Variants in EMB observed in about 807,000 individuals in gnomAD.
The protein encoded by EMB is embigin homolog.
A neutral mutation model predicts 41.4 loss-of-function variants in EMB; 31 were observed. The observed-to-expected ratio is 0.75, with a 90% CI of 0.56 to 1.01. The LOEUF (loss-of-function observed/expected upper bound fraction) is 1.01, where lower values mean the gene tolerates loss of function less well. Ranked by LOEUF, EMB falls within the 50% of genes least tolerant of loss-of-function variation. The pLI, the probability that EMB is intolerant of heterozygous loss-of-function variation, is 0.00. For missense variants in EMB, 379 were observed against 388.3 expected (o/e 0.98, Z 0.20); for synonymous variants, 137 against 140.4 (o/e 0.98, Z 0.17).
intron 2 of EMB, among the ~76,000 whole-genome samples, chr5:50,412,656 T>G (rs1314378467): frequency 3.7e-5 from 5 of 133,750 alleles, no homozygotes; most frequent in Non-Finnish European, 8.4e-5. Context: ...GCTACATGTT[T>G]TGGTAACTTT....
chr5:50,403,169 A>G lies in EMB; in HGVS notation c.877+9T>C. The G allele has an allele frequency of 6.4e-7, 1 of 1,565,668 alleles. No homozygotes were observed. Among genetic ancestry groups the G allele is most frequent in the Non-Finnish European group, 8.6e-7 (1 of 1,162,990 alleles). ...AAAAAAAACAAAAAACAAAAAAAAGAAATCCCACCTGAGTGCTTCTTTTTC... is the reference window on the plus strand; with the variant it reads ...AAAAAAAACAAAAAACAAAAAAAAGGAATCCCACCTGAGTGCTTCTTTTTC... On this transcript the variant is annotated intron_variant, in intron 6 of 8. Transcript: ENST00000303221.
chr5:50,439,364 C>CTT (rs921570043), intron 1 of EMB, among the ~76,000 whole-genome samples: 3 of 151,856 alleles, frequency 2.0e-5, no homozygotes, highest in Non-Finnish European at 2.9e-5. Flanking sequence ...CAGGCTGGAG[C>CTT]TTAGTGGCAC....
intron 4 of EMB, among the ~76,000 whole-genome samples, chr5:50,407,147 T>C (rs1016417229): frequency 3.3e-5 from 5 of 152,014 alleles, no homozygotes; most frequent in Non-Finnish European, 7.4e-5. Context: ...TTTCTCAATC[T>C]CTACATGTTT....
At chr5:50,400,481 A>C (rs530998003) in intron 7 of EMB, among the ~76,000 whole-genome samples, 1 of 152,100 alleles carries the variant, frequency 6.6e-6, no homozygotes, top group South Asian at 2.1e-4. Context: ...AGACAGTGTT[A>C]CTTACAATTA....
At chr5:50,437,307 A>G (rs1036429143) in intron 1 of EMB, among the ~76,000 whole-genome samples, 9 of 152,138 alleles carry the variant, frequency 5.9e-5, no homozygotes, top group African/African-American at 2.2e-4. Context: ...TAAATAAATA[A>G]AAGTAGGCTT....
chr5:50,434,551 C>T (rs536452955), intron 1 of EMB, among the ~76,000 whole-genome samples: 6 of 152,176 alleles, frequency 3.9e-5, no homozygotes, highest in African/African-American at 1.4e-4. Context: ...TATCTCATTG[C>T]TTTTGGCTAA....
chr5:50,402,192 C>A lies in EMB; in HGVS notation c.911+94G>T, dbSNP rs1579719601. ...GACATATACAGAAAATACTCCTCTGCCTTTTCTCCCCCTAACTGCAAACAT... is the reference window on the plus strand; with the variant it reads ...GACATATACAGAAAATACTCCTCTGACTTTTCTCCCCCTAACTGCAAACAT... On this transcript the variant is annotated intron_variant, in intron 7 of 8. Transcript: ENST00000303221. 15 of 1,325,656 alleles carry A rather than the reference C, an allele frequency of 1.1e-5. No homozygotes were observed. In the East Asian group the frequency reaches 3.1e-4, roughly 27 times the overall value. 82.1% of individuals were successfully genotyped at this position (1,325,656 alleles called of 1,614,324 possible).
intron 1 of EMB, among the ~76,000 whole-genome samples, chr5:50,430,986 G>A (rs1745712031): frequency 6.6e-6 from 1 of 152,190 alleles, no homozygotes; most frequent in Non-Finnish European, 1.5e-5. Context: ...GTTTCCAGAG[G>A]TAGGGAAGTC....
At chr5:50,406,852 T>C (rs1428719928) in intron 4 of EMB, among the ~76,000 whole-genome samples, 1 of 151,986 alleles carries the variant, frequency 6.6e-6, no homozygotes, top group Non-Finnish European at 1.5e-5. Flanking sequence ...TCATGTCAAC[T>C]AAAGACCTGC....
At chr5:50,402,452 T>C (rs1745179560) in intron 6 of EMB, 133 bp from the exon 7 acceptor site, 7 of 802,000 alleles carry the variant, frequency 8.7e-6, no homozygotes, top group Admixed American at 2.2e-5. Flanking sequence ...AGGAGAGACA[T>C]GCTACCTTAA....
intron 8 of EMB, 135 bp downstream of exon 8, chr5:50,399,724 T>C (rs1745129066): frequency 2.9e-6 from 2 of 688,266 alleles, no homozygotes; most frequent in African/African-American, 1.8e-5. Context: ...CCTATAATAG[T>C]GTTAACAAGC....
upstream of EMB, chr5:50,441,318 C>G: frequency 2.5e-6 from 1 of 399,436 alleles, no homozygotes; most frequent in East Asian, 3.7e-5. Context: ...GCCGCCTTGC[C>G]CCACTCCCCC....
chr5:50,430,619 A>G (rs1745705143), intron 1 of EMB, among the ~76,000 whole-genome samples: 1 of 152,180 alleles, frequency 6.6e-6, no homozygotes, highest in African/African-American at 2.4e-5. Flanking sequence ...GAGAGTCATT[A>G]AAATTTCGAG....
intron 1 of EMB, among the ~76,000 whole-genome samples, chr5:50,432,859 A>G (rs1289168908): frequency 1.3e-5 from 2 of 151,546 alleles, no homozygotes; most frequent in Admixed American, 6.6e-5. Flanking sequence ...CAGGCAGATC[A>G]TGAGGTCAGG....
intron 1 of EMB, among the ~76,000 whole-genome samples, chr5:50,434,070 T>C (rs963620288): frequency 2.0e-5 from 3 of 152,238 alleles, no homozygotes; most frequent in African/African-American, 4.8e-5. Flanking sequence ...GACCTTATTT[T>C]AGTTCATTAC....
In EMB at chr5:50,441,236, G is replaced by T; in HGVS notation, c.-85C>A. On this transcript the variant is annotated 5_prime_UTR_variant, in exon 1 of 9. Coordinates refer to ENST00000303221, the MANE Select transcript of EMB (RefSeq NM_198449.3). ...GTGTCCAGAGTCCCTGCGCACACTCGCAGGTGGCCCGGCGCTCGCAGCCAG... is the reference window on the plus strand; with the variant it reads ...GTGTCCAGAGTCCCTGCGCACACTCTCAGGTGGCCCGGCGCTCGCAGCCAG... 1.2e-6 allele frequency: 1 copy of T among 803,516 alleles called. No individual in the cohort carries two copies. The highest frequency in any genetic ancestry group is 1.7e-6 in the Non-Finnish European group (1 of 589,600). The allele number at this position is 803,516 out of a possible 1,614,324, so 49.8% of individuals were successfully genotyped here. A position where few individuals can be genotyped will look rare whatever the true frequency, so the allele number is the denominator to read the frequency against.
At chr5:50,410,552 C>T (rs1328448145) in intron 4 of EMB, among the ~76,000 whole-genome samples, 3 of 152,134 alleles carry the variant, frequency 2.0e-5, no homozygotes, top group East Asian at 1.9e-4. Context: ...AACTTAGAAA[C>T]GTGGAGGACT....
rs753725520 is a variant in EMB, at chr5:50,403,197, T to C, written c.858A>G (p.Gln286=). ...TCCCACCTGAGTGCTTCTTTTTCTTTTGTGTGTACTTTTCACAAAGCAGAA... is the reference window on the plus strand; with the variant it reads ...TCCCACCTGAGTGCTTCTTTTTCTTCTGTGTGTACTTTTCACAAAGCAGAA... ...ATILLCEKYT[Q]KKKKHSDEGK... Residue 286 remains glutamine (Q), a synonymous_variant, in exon 6 of 9, where the codon CAA becomes CAG. Transcript: ENST00000303221. 3.8e-5 allele frequency: 61 copies of C among 1,599,852 alleles called. No individual in the cohort carries two copies. Among genetic ancestry groups the C allele is most frequent in the Admixed American group, 7.0e-5 (4 of 57,310 alleles).
Position 50,405,752 on chromosome 5 carries a change from G to A in EMB, c.573C>T (p.Thr191=). Residue 191 remains threonine, a synonymous_variant, in exon 5 of 9, where the codon ACC becomes ACT. Transcript: ENST00000303221. ...TTACACTCCCATTACTACTGTACCA[G>A]GTCCAATTTAAAGGAAAACAATTTT... ...KCQNCFPLNW[T]WYSSNGSVKV... 2 of 1,605,712 alleles carry A rather than the reference G, an allele frequency of 1.2e-6. No individual in the cohort carries two copies. The highest frequency in any genetic ancestry group is 4.5e-5 in the East Asian group (2 of 44,538).
Sources: gnomAD v4.1 joint callset for allele counts (sites outside exome capture counted in the v4.1 genomes callset) on GRCh38, gnomAD v4.1.1 for gene constraint, MANE v1.5 for transcripts, NCBI Gene and HGNC (gene_info 2026-07-23, HGNC 2026-07-21) for gene names.